The following SDK1 variants were observed in gnomAD, a reference collection of about 807,000 sequenced individuals.
SDK1 encodes the protein sidekick cell adhesion molecule 1.
In SDK1, 157 loss-of-function variants were observed where a neutral mutation model predicts 245.5. The observed-to-expected ratio is 0.64, with a 90% CI of 0.56 to 0.73. SDK1 has a LOEUF of 0.73. Among genes scored for constraint, SDK1 ranks in the 30% least tolerant of loss-of-function variants. The probability of loss-of-function intolerance (pLI) is 0.00; values close to 1 mark genes in which losing one functional copy is unlikely to be tolerated. For missense variants in SDK1, 3,583 were observed against 3,002.3 expected, an observed-to-expected ratio of 1.19 and a Z score of -4.52; for synonymous variants, 1,647 against 1,278.5, an observed-to-expected ratio of 1.29 and a Z score of -6.15.
chr7:4,053,975 G>T (rs546215659), intron 19 of SDK1, among the ~76,000 whole-genome samples: 1 of 152,008 alleles, frequency 6.6e-6, no homozygotes, highest in Non-Finnish European at 1.5e-5. Flanking sequence ...ATCTTGCTCT[G>T]TTGCCCAGGC....
chr7:3,881,739 C>G (rs1781213726), intron 5 of SDK1, among the ~76,000 whole-genome samples: 1 of 152,188 alleles, frequency 6.6e-6, no homozygotes, highest in South Asian at 2.1e-4. Context: ...GGAAAACACA[C>G]AAACATTCTA....
At chr7:3,544,234 A>G (rs1047759402) in intron 1 of SDK1, among the ~76,000 whole-genome samples, 15 of 152,260 alleles carry the variant, frequency 9.9e-5, no homozygotes, top group Non-Finnish European at 1.8e-4. Context: ...ATATGTATCC[A>G]TCTTGGTTCC....
At position 3,901,652 on chromosome 7, in the gene SDK1, G is replaced by C. The variant is rs551118955; in HGVS notation, c.848-49271G>C. 3.9e-5 allele frequency among the ~76,000 whole-genome samples: 6 copies of C among 152,270 alleles called. No individual in the cohort carries two copies. In the South Asian group the frequency reaches 1.2e-3, roughly 32 times the overall value. ...TTGTGAGTTATCAATAATCTGTGTG[G>C]TAATACCTTGAAACTATGGGACTAT... On this transcript the variant is annotated intron_variant, in intron 5 of 44. Coordinates refer to ENST00000404826, the MANE Select transcript of SDK1 (RefSeq NM_152744.4).
At chr7:3,806,636 C>T (rs190207255) in intron 4 of SDK1, among the ~76,000 whole-genome samples, 41 of 152,350 alleles carry the variant, frequency 2.7e-4, no homozygotes, top group Middle Eastern at 3.4e-3. Flanking sequence ...AAACCTAAAA[C>T]GCCTGTGGAG....
intron 4 of SDK1, among the ~76,000 whole-genome samples, chr7:3,672,443 A>C (rs1054212108): frequency 6.6e-6 from 1 of 151,424 alleles, no homozygotes; most frequent in African/African-American, 2.4e-5. Flanking sequence ...CTTGAGGAAA[A>C]AAACAGAGGC....
intron 35 of SDK1, among the ~76,000 whole-genome samples, chr7:4,190,757 A>G (rs1207704171): frequency 6.6e-6 from 1 of 152,210 alleles, no homozygotes; most frequent in African/African-American, 2.4e-5. Flanking sequence ...AGCATACGCT[A>G]TCCCGGGACA....
At chr7:3,964,980 C>G (rs1235571149) in intron 9 of SDK1, among the ~76,000 whole-genome samples, 3 of 152,100 alleles carry the variant, frequency 2.0e-5, no homozygotes, top group Non-Finnish European at 1.5e-5. Flanking sequence ...GAACATGAGT[C>G]TTGATTGATT....
chr7:4,251,742 C>T (rs999979003), intron 44 of SDK1, among the ~76,000 whole-genome samples: 1 of 152,224 alleles, frequency 6.6e-6, no homozygotes, highest in Admixed American at 6.5e-5. Context: ...TTCCCAGATG[C>T]CAACCAAGGG....
At position 4,265,214 on chromosome 7, in the gene SDK1, C is replaced by G. The variant is rs773023013; in HGVS notation, c.6472C>G (p.Arg2158Gly). The G allele has an allele frequency of 1.2e-6, 2 of 1,610,642 alleles. No homozygotes were observed. Among genetic ancestry groups the G allele is most frequent in the Non-Finnish European group, 8.5e-7 (1 of 1,179,534 alleles). ...SDPTYYNSWK[R>G]RAQGRAPAPH... is the part of the protein sequence containing the mutation. ...CCCCACCTACTACAACTCATGGAAG[C>G]GCAGGGCCCAGGGCCGCGCACCTGC... The change falls in exon 45 of 45, where the codon CGC becomes GGC. Residue 2158 changes from arginine (R) to glycine (G), a missense_variant. By Grantham distance (125) the Arg-to-Gly change is moderately radical (BLOSUM62 -2). Transcript: ENST00000404826.
intron 5 of SDK1, among the ~76,000 whole-genome samples, chr7:3,895,407 G>A (rs1291411265): frequency 6.6e-6 from 1 of 152,184 alleles, no homozygotes; most frequent in East Asian, 1.9e-4. Context: ...TCAACATGTA[G>A]TGGACGTCTG....
chr7:3,906,714 G>C (rs962246347), intron 5 of SDK1, among the ~76,000 whole-genome samples: 4 of 129,160 alleles, frequency 3.1e-5, no homozygotes, highest in Non-Finnish European at 6.2e-5. Context: ...TGCAACCTCT[G>C]CCTCCCAGGT....
intron 5 of SDK1, among the ~76,000 whole-genome samples, chr7:3,881,243 G>A (rs945542192): frequency 3.3e-5 from 5 of 152,060 alleles, no homozygotes; most frequent in African/African-American, 1.2e-4. Flanking sequence ...TCTTCCTGAT[G>A]CTCTCCCTCC....
intron 5 of SDK1, among the ~76,000 whole-genome samples, chr7:3,840,269 G>A (rs1405571676): frequency 6.6e-6 from 1 of 152,118 alleles, no homozygotes; most frequent in African/African-American, 2.4e-5. Flanking sequence ...CGGAAGAGGA[G>A]GGGGAGAAGA....
At chr7:3,576,222 G>T (rs1780286281) in intron 1 of SDK1, among the ~76,000 whole-genome samples, 1 of 152,102 alleles carries the variant, frequency 6.6e-6, no homozygotes, top group South Asian at 2.1e-4. Flanking sequence ...GTGCCATTCA[G>T]ACTTCTCTTT....
At chr7:4,232,411 C>CTTTTTTTTT (rs71032930) in intron 40 of SDK1, among the ~76,000 whole-genome samples, 32 of 98,764 alleles carry the variant, frequency 3.2e-4, no homozygotes, top group Non-Finnish European at 4.3e-4. Flanking sequence ...TCTTTTCTTT[C>CTTTTTTTTT]TTTTTTTTTT....
At chr7:3,892,094 T>A (rs1396420572) in intron 5 of SDK1, among the ~76,000 whole-genome samples, 1 of 152,202 alleles carries the variant, frequency 6.6e-6, no homozygotes, top group Non-Finnish European at 1.5e-5. Context: ...GGGTTGCCAT[T>A]TTTCCAACTT....
At chr7:3,894,449 G>C (rs1364089453) in intron 5 of SDK1, among the ~76,000 whole-genome samples, 2 of 151,730 alleles carry the variant, frequency 1.3e-5, no homozygotes, top group Non-Finnish European at 1.5e-5. Flanking sequence ...TCCGGGGGTG[G>C]TGGGGGAGTG....
intron 44 of SDK1, among the ~76,000 whole-genome samples, chr7:4,248,501 C>G (rs1272360508): frequency 1.3e-5 from 2 of 151,236 alleles, no homozygotes; most frequent in African/African-American, 2.4e-5. Context: ...CATATACACA[C>G]CTAAATACAC....
At chr7:3,686,804 G>A (rs1395837815) in intron 4 of SDK1, among the ~76,000 whole-genome samples, 1 of 152,178 alleles carries the variant, frequency 6.6e-6, no homozygotes. Context: ...AAAGCATTTA[G>A]TTAATTTTCT....
Sources: allele counts gnomAD v4.1 joint callset (sites outside exome capture counted in the v4.1 genomes callset), GRCh38; gene constraint gnomAD v4.1.1; transcripts MANE v1.5; gene names NCBI Gene and HGNC (gene_info 2026-07-23, HGNC 2026-07-21).